The following GABRA1 variants were observed in gnomAD, a reference collection of about 807,000 sequenced individuals.
The protein encoded by GABRA1 is gamma-aminobutyric acid type A receptor subunit alpha1, also known as gamma-aminobutyric acid receptor subunit alpha-1.
A neutral mutation model predicts 48.9 loss-of-function variants in GABRA1; 9 were observed. The ratio of observed to expected loss-of-function variants is 0.18; its 90% CI spans 0.11 to 0.32. The LOEUF (loss-of-function observed/expected upper bound fraction) is 0.32, where lower values mean the gene tolerates loss of function less well. Among genes scored for constraint, GABRA1 ranks in the 10% least tolerant of loss-of-function variants. The pLI is 1.00. For missense variants in GABRA1, 285 were observed against 553.8 expected (o/e 0.51, Z 4.87); for synonymous variants, 210 against 198.7 (o/e 1.06, Z -0.48).
chr5:161,876,384 A>G (rs1291364285), intron 6 of GABRA1, among the ~76,000 whole-genome samples: 1 of 152,110 alleles, frequency 6.6e-6, no homozygotes, highest in East Asian at 1.9e-4. Flanking sequence ...GTGAGTGGGA[A>G]TAATGTATTC....
At chr5:161,872,777 G>A (rs1252477438) in intron 4 of GABRA1, among the ~76,000 whole-genome samples, 1 of 152,038 alleles carries the variant, frequency 6.6e-6, no homozygotes, top group African/African-American at 2.4e-5. Flanking sequence ...ACATGAGTTT[G>A]TTTTAAAATT....
chr5:161,895,948 T>C lies in GABRA1; in HGVS notation c.1059+80T>C, dbSNP rs1561588004. 1.0e-5 allele frequency: 12 copies of C among 1,161,670 alleles called. No individual in the cohort carries two copies. In the East Asian group the frequency reaches 2.8e-4, roughly 27 times the overall value. 72.0% of individuals were successfully genotyped at this position (1,161,670 alleles called of 1,614,324 possible). A position where few individuals can be genotyped will look rare whatever the true frequency, so the allele number is the denominator to read the frequency against. On this transcript the variant is annotated intron_variant, in intron 9 of 9. Transcript: ENST00000393943. ...TGAAATGAGATGTTTTGGCCTGTGG[T>C]ATTGGATGGAGTATGCAGAATAATA...
chr5:161,892,627 T>C (rs1457607888), intron 8 of GABRA1, among the ~76,000 whole-genome samples: 1 of 152,196 alleles, frequency 6.6e-6, no homozygotes, highest in African/African-American at 2.4e-5. Flanking sequence ...CTTGTTAAGA[T>C]GCTTATATCT....
At chr5:161,864,323 A>G (rs1310762451) in intron 3 of GABRA1, among the ~76,000 whole-genome samples, 2 of 152,020 alleles carry the variant, frequency 1.3e-5, no homozygotes, top group Admixed American at 1.3e-4. Flanking sequence ...ATCTAGCATT[A>G]GGTATATCTC....
intron 8 of GABRA1, among the ~76,000 whole-genome samples, chr5:161,895,428 C>A (rs887880143): frequency 3.9e-5 from 6 of 152,148 alleles, no homozygotes; most frequent in African/African-American, 1.4e-4. Context: ...TGAAGAGCAC[C>A]TCAATAGCAG....
chr5:161,897,643 C>T lies in GABRA1; in HGVS notation c.*221C>T. On this transcript the variant is annotated 3_prime_UTR_variant, in exon 10 of 10. Transcript: ENST00000393943. ...GATTCTGACAGAGCAAGCGAAAGAG[C>T]AAAGTCATGTCAGAAGGAGACAGAA... 1 of 528,674 alleles carries T rather than the reference C, an allele frequency of 1.9e-6. No individual in the cohort carries two copies. Among genetic ancestry groups the T allele is most frequent in the South Asian group, 2.5e-5 (1 of 39,936 alleles). 32.7% of individuals were successfully genotyped at this position (528,674 alleles called of 1,614,324 possible).
rs1327280079 is a variant in GABRA1, at chr5:161,897,185, T to A, written c.1134T>A (p.Asn378Lys). The A allele has an allele frequency of 6.2e-7, 1 of 1,613,886 alleles. No individual in the cohort carries two copies. Among genetic ancestry groups the A allele is most frequent in the Non-Finnish European group, 8.5e-7 (1 of 1,179,966 alleles). ...CAACAGCAACCAGCTACACCCCTAATTTGGCCAGGGGCGACCCGGGCTTAG... is the reference window on the plus strand; with the variant it reads ...CAACAGCAACCAGCTACACCCCTAAATTGGCCAGGGGCGACCCGGGCTTAG... The part of the protein sequence containing the change: ...YAPTATSYTP[N>K]LARGDPGLAT... Residue 378 changes from asparagine (N) to lysine (K), a missense_variant, in exon 10 of 10, where the codon AAT (asparagine) becomes AAA (lysine). By Grantham distance (94) the Asn-to-Lys change is moderately conservative. This residue lies in a region of GABRA1 where 99 missense variants were observed against 94.2 expected (regional missense o/e 1.05). Coordinates refer to ENST00000393943, the MANE Select transcript of GABRA1 (RefSeq NM_001127644.2).
chr5:161,871,093 C>T (rs1163782593), intron 4 of GABRA1, among the ~76,000 whole-genome samples: 1 of 151,838 alleles, frequency 6.6e-6, no homozygotes, highest in Non-Finnish European at 1.5e-5. Context: ...ACACAATAAA[C>T]ATGTGAACAT....
chr5:161,877,735 A>G (rs1161809282), intron 6 of GABRA1, among the ~76,000 whole-genome samples: 1 of 152,186 alleles, frequency 6.6e-6, no homozygotes, highest in African/African-American at 2.4e-5. Flanking sequence ...GAAGAGGTAA[A>G]TGTATAGTGA....
intron 8 of GABRA1, 50 bp from the exon 9 acceptor site, chr5:161,895,616 A>C: frequency 6.6e-7 from 1 of 1,508,936 alleles, no homozygotes; most frequent in African/African-American, 1.4e-5. Context: ...ATCATGATGA[A>C]ATTTCACAGT....
At chr5:161,894,237 A>G (rs572767297) in intron 8 of GABRA1, among the ~76,000 whole-genome samples, 42 of 152,210 alleles carry the variant, frequency 2.8e-4, no homozygotes, top group African/African-American at 1.0e-3. Flanking sequence ...AATTTTATAA[A>G]CCCCAGAAGC....
chr5:161,885,773 G>T (rs1325700989), intron 7 of GABRA1, among the ~76,000 whole-genome samples: 1 of 152,050 alleles, frequency 6.6e-6, no homozygotes, highest in East Asian at 1.9e-4. Context: ...AAATACTACT[G>T]GACAGAGTAT....
rs546995144 is a variant in GABRA1, at chr5:161,898,789, C to T, written c.*1367C>T. ...GAACTGTATATTATTGCTATATTTG[C>T]TAATACCAACTATTTCAATAAGTGT... On this transcript the variant is annotated 3_prime_UTR_variant, in exon 10 of 10. Coordinates refer to ENST00000393943, the MANE Select transcript of GABRA1 (RefSeq NM_001127644.2). The T allele has an allele frequency of 1.3e-5, 2 of 152,546 alleles. No homozygotes were observed. The highest frequency in any genetic ancestry group is 4.8e-5 in the African/African-American group (2 of 41,526). 9.4% of individuals were successfully genotyped at this position (152,546 alleles called of 1,614,324 possible).
At chr5:161,885,083 C>T (rs1363547491) in intron 7 of GABRA1, among the ~76,000 whole-genome samples, 3 of 152,144 alleles carry the variant, frequency 2.0e-5, no homozygotes, top group Admixed American at 6.6e-5. Flanking sequence ...AGTTCACCTA[C>T]ATAAAATAAA....
At chr5:161,854,387 A>C (rs1757565770) in intron 3 of GABRA1, 117 bp downstream of exon 3, 4 of 718,482 alleles carry the variant, frequency 5.6e-6, no homozygotes, top group Non-Finnish European at 7.7e-6. Flanking sequence ...ATTTAATGAC[A>C]AATCTATTTT....
chr5:161,865,289 G>A (rs1351245503), intron 3 of GABRA1, among the ~76,000 whole-genome samples: 1 of 152,136 alleles, frequency 6.6e-6, no homozygotes, highest in Non-Finnish European at 1.5e-5. Context: ...TCCTTACAGA[G>A]TTAATAACGC....
chr5:161,858,422 G>A (rs1052706587), intron 3 of GABRA1, among the ~76,000 whole-genome samples: 2 of 151,546 alleles, frequency 1.3e-5, no homozygotes, highest in Non-Finnish European at 3.0e-5. Context: ...AGATAATCAG[G>A]CTTTTATGGA....
chr5:161,854,907 G>T (rs1005262035), intron 3 of GABRA1, among the ~76,000 whole-genome samples: 3 of 151,472 alleles, frequency 2.0e-5, no homozygotes, highest in African/African-American at 7.3e-5. Context: ...AACAATAAGA[G>T]TAAATAGTTC....
intron 9 of GABRA1, among the ~76,000 whole-genome samples, chr5:161,896,687 T>C (rs1242402938): frequency 6.6e-6 from 1 of 152,212 alleles, no homozygotes; most frequent in African/African-American, 2.4e-5. Flanking sequence ...TTCTATAGAA[T>C]ATTAGTTTCT....
Sources: allele counts gnomAD v4.1 joint callset (sites outside exome capture counted in the v4.1 genomes callset), GRCh38; gene constraint gnomAD v4.1.1; regional missense constraint gnomAD v4.1.1; transcripts MANE v1.5; gene names NCBI Gene and HGNC (gene_info 2026-07-23, HGNC 2026-07-21).